The following DIP2C variants were observed in gnomAD, a reference collection of about 807,000 sequenced individuals.
The protein encoded by DIP2C is disco-interacting protein 2 homolog C.
In DIP2C, 33 loss-of-function variants were observed where a neutral mutation model predicts 192.4. The ratio of observed to expected loss-of-function variants is 0.17; its 90% CI spans 0.13 to 0.23. The LOEUF (loss-of-function observed/expected upper bound fraction) is 0.23, where lower values mean the gene tolerates loss of function less well. Among genes scored for constraint, DIP2C ranks in the 10% least tolerant of loss-of-function variants. The pLI is 1.00. For missense variants in DIP2C, 1,537 were observed against 2,110.1 expected, an observed-to-expected ratio of 0.73 and a Z score of 5.32; for synonymous variants, 979 against 864.1, an observed-to-expected ratio of 1.13 and a Z score of -2.33.
At chr10:398,839 CAT>C (rs1229796398) in intron 10 of DIP2C, among the ~76,000 whole-genome samples, 1 of 152,090 alleles carries the variant, frequency 6.6e-6, no homozygotes, top group Non-Finnish European at 1.5e-5. Flanking sequence ...TTCTAGTGCA[CAT>C]GACACCAAGG....
intron 29 of DIP2C, chr10:340,858 G>A (rs1243689832): frequency 2.1e-6 from 1 of 467,152 alleles, no homozygotes; most frequent in Admixed American, 2.3e-5. Flanking sequence ...AATGCCTGCT[G>A]GCCCAGCGAG....
At chr10:622,383 AGGGAGGGAGGAGG>A (rs1853926572) in intron 1 of DIP2C, among the ~76,000 whole-genome samples, 1 of 7,214 alleles carries the variant, frequency 1.4e-4, no homozygotes, top group Non-Finnish European at 2.7e-4. Flanking sequence ...AAGAAGGGGG[AGGGAGGGAGGAGG>A]GGGAGGGAGG....
chr10:341,225 C>T lies in DIP2C; in HGVS notation c.3558G>A (p.Leu1186=). 6.2e-7 allele frequency: 1 copy of T among 1,614,164 alleles called. No individual in the cohort carries two copies. Among genetic ancestry groups the T allele is most frequent in the Non-Finnish European group, 8.5e-7 (1 of 1,180,032 alleles). ...TGCAGAGGCACCAGAGGACAAATCCCAGTCCACAGTAAGGGTCCAGGCAGA... is the reference window on the plus strand; with the variant it reads ...TGCAGAGGCACCAGAGGACAAATCCTAGTCCACAGTAAGGGTCCAGGCAGA... The part of the protein sequence containing the change: ...VAICLDPYCG[L]GFVLWCLCSV... Residue 1186 remains leucine, a synonymous_variant, in exon 29 of 37, where the codon CTG becomes CTA. Transcript: ENST00000280886.
Position 596,425 on chromosome 10 carries a change from G to A in DIP2C, c.85+93069C>T, listed in dbSNP as rs1211294276. 3.4e-5 allele frequency among the ~76,000 whole-genome samples: 5 copies of A among 147,702 alleles called. 1 individual carries two copies. Among genetic ancestry groups the A allele is most frequent in the Non-Finnish European group, 5.9e-5 (4 of 67,404 alleles). On this transcript the variant is annotated intron_variant, in intron 1 of 36. Transcript: ENST00000280886. The stretch of plus-strand genomic sequence containing the variant: ...GGAGGAGAATCACTTGAACCTGGGA[G>A]GGAGAGGTTGCAGTGAGCCGAGATC...
rs1362300897 is a variant in DIP2C at position 327,107 on chromosome 10, G to C, written c.3823C>G (p.Leu1275Val). 6.2e-7 allele frequency: 1 copy of C among 1,614,074 alleles called. No homozygotes were observed. Among genetic ancestry groups the C allele is most frequent in the African/African-American group, 1.3e-5 (1 of 74,934 alleles). ...AACAGCTTTGAGAACGACTGTGTGA[G>C]TGCGATCCGAGGCCTCTCTTCCGCC... ...VVAEERPRIALTQSFSKLFKD... is the reference protein window; with the variant it reads ...VVAEERPRIAVTQSFSKLFKD... Residue 1275 changes from leucine to valine, a missense_variant, in exon 31 of 37, where the codon CTC (leucine) becomes GTC (valine). Coordinates refer to ENST00000280886, the MANE Select transcript of DIP2C (RefSeq NM_014974.3).
rs567922492 is a variant in DIP2C at position 599,164 on chromosome 10, GAAT to G, written c.85+90327_85+90329del. On this transcript the variant is annotated intron_variant, in intron 1 of 36. Transcript: ENST00000280886. ...CCCAGCGTTCCCAGGGAGGAGGGCA[GAAT>G]AATGCCATTTCCCCCTAGTTTAGGG... is the stretch of plus-strand genomic sequence containing the variant. Among the ~76,000 whole-genome samples, 473 of 152,298 alleles carry G rather than the reference GAAT, an allele frequency of 3.1e-3. 3 individuals are homozygous for G. Among genetic ancestry groups the G allele is most frequent in the African/African-American group, 0.011 (450 of 41,564 alleles).
At chr10:290,563 G>A (rs1036946990) in intron 32 of DIP2C, among the ~76,000 whole-genome samples, 3 of 152,238 alleles carry the variant, frequency 2.0e-5, no homozygotes, top group East Asian at 1.9e-4. Context: ...CAGGAGGCCC[G>A]CAGATGTGCC....
intron 1 of DIP2C, among the ~76,000 whole-genome samples, chr10:588,844 GCTT>G (rs1029364720): frequency 1.3e-5 from 2 of 152,188 alleles, no homozygotes; most frequent in African/African-American, 4.8e-5. Flanking sequence ...TTGAACATCA[GCTT>G]CTGTTTCTCT....
intron 17 of DIP2C, among the ~76,000 whole-genome samples, chr10:379,721 G>A (rs1962153990): frequency 6.6e-6 from 1 of 152,228 alleles, no homozygotes; most frequent in Admixed American, 6.5e-5. Flanking sequence ...GCATTCTACT[G>A]CAGATAATCG....
intron 1 of DIP2C, among the ~76,000 whole-genome samples, chr10:681,629 G>T (rs532995520): frequency 6.9e-6 from 1 of 144,582 alleles, no homozygotes; most frequent in African/African-American, 2.6e-5. Flanking sequence ...CTATGGCCAC[G>T]GAAATTCCAG....
chr10:595,819 A>G (rs546995025), intron 1 of DIP2C, among the ~76,000 whole-genome samples: 8 of 152,348 alleles, frequency 5.3e-5, no homozygotes, highest in East Asian at 1.9e-4. Context: ...GCTCAAGCCC[A>G]TGTTGTTCAG....
intron 3 of DIP2C, among the ~76,000 whole-genome samples, chr10:465,523 G>A (rs1014618220): frequency 6.6e-6 from 1 of 152,036 alleles, no homozygotes; most frequent in Middle Eastern, 3.2e-3. Flanking sequence ...ACATAGTGTT[G>A]GAAGTTCTGG....
chr10:394,631 G>A (rs1340937850), intron 10 of DIP2C, among the ~76,000 whole-genome samples: 2 of 149,726 alleles, frequency 1.3e-5, no homozygotes, highest in African/African-American at 4.9e-5. Context: ...TGAACAGGAA[G>A]GACATTATGC....
chr10:374,486 G>A (rs1463005368), intron 17 of DIP2C, among the ~76,000 whole-genome samples: 1 of 152,168 alleles, frequency 6.6e-6, no homozygotes, highest in Non-Finnish European at 1.5e-5. Context: ...TCCCTGTTTA[G>A]CAGACAGGGG....
chr10:451,011 C>T (rs1344707669), intron 3 of DIP2C, among the ~76,000 whole-genome samples: 1 of 152,164 alleles, frequency 6.6e-6, no homozygotes, highest in African/African-American at 2.4e-5. Flanking sequence ...CGTCTAAATT[C>T]AGCCTGTGAG....
chr10:496,669 C>T (rs1844860404), intron 1 of DIP2C, among the ~76,000 whole-genome samples: 1 of 151,904 alleles, frequency 6.6e-6, no homozygotes, highest in African/African-American at 2.4e-5. Context: ...CTCCCGTGTA[C>T]TTAAAATCTC....
chr10:670,516 C>T (rs775092568), intron 1 of DIP2C, among the ~76,000 whole-genome samples: 11 of 152,154 alleles, frequency 7.2e-5, no homozygotes, highest in Non-Finnish European at 1.5e-4. Context: ...GTTCCAGAGA[C>T]AACATAGGGG....
In DIP2C at chr10:526,737, TTG is replaced by T. The variant is rs1588391110; in HGVS notation, c.86-40209_86-40208del. 2.0e-5 allele frequency among the ~76,000 whole-genome samples: 3 copies of T among 152,198 alleles called. No individual in the cohort carries two copies. The East Asian group carries it at 5.8e-4, about 29-fold the overall frequency. ...CTATGTGGAAACTTCCGGAAGGCAT[TTG>T]TGTCATGTCTAAGAGCAAACTGGCA... On this transcript the variant is annotated intron_variant, in intron 1 of 36. Coordinates refer to ENST00000280886, the MANE Select transcript of DIP2C (RefSeq NM_014974.3).
chr10:295,973 CTCTT>C (rs1955735826), intron 32 of DIP2C, among the ~76,000 whole-genome samples: 1 of 152,116 alleles, frequency 6.6e-6, no homozygotes, highest in Non-Finnish European at 1.5e-5. Flanking sequence ...GGTTGTTTGA[CTCTT>C]TCTTGTAAAT....
Sources: gnomAD v4.1 joint callset for allele counts (sites outside exome capture counted in the v4.1 genomes callset) on GRCh38, gnomAD v4.1.1 for gene constraint, MANE v1.5 for transcripts, NCBI Gene and HGNC (gene_info 2026-07-23, HGNC 2026-07-21) for gene names.